The following GREM2 variants were observed in gnomAD, a reference collection of about 807,000 sequenced individuals.
GREM2 encodes gremlin 2, DAN family BMP antagonist, also known as gremlin-2.
Under a neutral mutation model 14.2 loss-of-function variants are expected in GREM2, and 11 were observed. That is an observed-to-expected ratio of 0.78 (90% CI 0.49 to 1.28). The LOEUF is 1.28. GREM2 is among the 50% of genes most tolerant of loss of function. GREM2 has a pLI of 0.00. For missense variants in GREM2, 210 were observed against 218.5 expected (o/e 0.96, Z 0.24); for synonymous variants, 98 against 97.6 (o/e 1.00, Z -0.02).
chr1:240,582,184 TC>T (rs1679497494), intron 1 of GREM2, among the ~76,000 whole-genome samples: 1 of 152,214 alleles, frequency 6.6e-6, no homozygotes. Context: ...ATGCCTGTAA[TC>T]CCAGCACTTT....
chr1:240,509,250 G>A (rs755747811), intron 1 of GREM2, among the ~76,000 whole-genome samples: 14 of 152,054 alleles, frequency 9.2e-5, no homozygotes, highest in Non-Finnish European at 1.5e-4. Flanking sequence ...CCCCTGCACC[G>A]GGCCCAGTGG....
chr1:240,505,359 A>G lies in GREM2; in HGVS notation c.-1-11883T>C, dbSNP rs137961313. Among the ~76,000 whole-genome samples the G allele has an allele frequency of 3.4e-3, 520 of 152,290 alleles. 5 individuals carry two copies. Among genetic ancestry groups the G allele is most frequent in the African/African-American group, 0.012 (484 of 41,562 alleles). On this transcript the variant is annotated intron_variant, in intron 1 of 1. Coordinates refer to ENST00000318160, the MANE Select transcript of GREM2 (RefSeq NM_022469.4). ...TGTATTGCATATATGATTATACTAT[A>G]TAATCATACACACGCACAGTAGGGA...
intron 1 of GREM2, among the ~76,000 whole-genome samples, chr1:240,522,456 G>A (rs2103304932): frequency 6.6e-6 from 1 of 152,114 alleles, no homozygotes; most frequent in South Asian, 2.1e-4. Context: ...AACATCTAGT[G>A]GTAAAATGGA....
intron 1 of GREM2, among the ~76,000 whole-genome samples, chr1:240,509,568 A>G (rs1677757984): frequency 6.6e-6 from 1 of 151,814 alleles, no homozygotes; most frequent in South Asian, 2.1e-4. Flanking sequence ...GGGTTTCTCC[A>G]TGTTGGTCAG....
intron 1 of GREM2, among the ~76,000 whole-genome samples, chr1:240,562,933 TGTGA>T (rs1484261400): frequency 6.2e-5 from 9 of 144,352 alleles, no homozygotes; most frequent in Admixed American, 2.7e-4. Flanking sequence ...TGTGTATGTG[TGTGA>T]GTGTGTGAGT....
At chr1:240,537,160 A>T (rs961782186) in intron 1 of GREM2, among the ~76,000 whole-genome samples, 8 of 152,206 alleles carry the variant, frequency 5.3e-5, no homozygotes, top group Admixed American at 1.3e-4. Flanking sequence ...TTAAACTTGA[A>T]ATGGAAGCTA....
At chr1:240,567,883 CAG>C (rs1252683216) in intron 1 of GREM2, among the ~76,000 whole-genome samples, 1 of 152,108 alleles carries the variant, frequency 6.6e-6, no homozygotes, top group East Asian at 1.9e-4. Context: ...TTGAGGCAGG[CAG>C]ATCACTTGAG....
chr1:240,567,127 T>C (rs974310745), intron 1 of GREM2, among the ~76,000 whole-genome samples: 4 of 152,262 alleles, frequency 2.6e-5, no homozygotes, highest in East Asian at 3.9e-4. Context: ...GTTGAAGACA[T>C]AGCAACAGAA....
At chr1:240,524,176 C>T (rs1018016867) in intron 1 of GREM2, among the ~76,000 whole-genome samples, 13 of 152,148 alleles carry the variant, frequency 8.5e-5, no homozygotes, top group African/African-American at 3.1e-4. Flanking sequence ...GCCACCTCGC[C>T]CAGCTAATTT....
At chr1:240,579,139 A>G (rs1679432531) in intron 1 of GREM2, among the ~76,000 whole-genome samples, 2 of 152,204 alleles carry the variant, frequency 1.3e-5, no homozygotes, top group Non-Finnish European at 1.5e-5. Flanking sequence ...TCTACATGGC[A>G]GTTACATTCC....
At chr1:240,505,050 C>T (rs1677649013) in intron 1 of GREM2, among the ~76,000 whole-genome samples, 1 of 152,030 alleles carries the variant, frequency 6.6e-6, no homozygotes, top group African/African-American at 2.4e-5. Context: ...AACACCATTC[C>T]CCTAGTGCTG....
chr1:240,605,020 C>T (rs959066056), intron 1 of GREM2, among the ~76,000 whole-genome samples: 2 of 152,184 alleles, frequency 1.3e-5, no homozygotes, highest in African/African-American at 4.8e-5. Flanking sequence ...CTTCCTCCTT[C>T]CTTTGTTCTC....
intron 1 of GREM2, among the ~76,000 whole-genome samples, chr1:240,494,039 A>G (rs931700156): frequency 2.0e-5 from 3 of 152,292 alleles, no homozygotes; most frequent in Non-Finnish European, 2.9e-5. Flanking sequence ...CGTGTTGAAC[A>G]GTTACAGAAG....
In GREM2 at chr1:240,493,471, A is replaced by G; in HGVS notation, c.5T>C (p.Phe2Ser). ...GAACAAGGACAGGGAAAGCTTCCAGAACATCCTGCAAACGAGAAAAGAGAG... is the reference window on the plus strand; with the variant it reads ...GAACAAGGACAGGGAAAGCTTCCAGGACATCCTGCAAACGAGAAAAGAGAG... Reference protein sequence around the residue: MFWKLSLSLFLV... With the variant: MSWKLSLSLFLV... The change falls in exon 2 of 2, where the codon TTC becomes TCC. Residue 2 changes from phenylalanine to serine, a missense_variant. By Grantham distance (155) the Phe-to-Ser change is radical. Coordinates refer to ENST00000318160, the MANE Select transcript of GREM2 (RefSeq NM_022469.4). 3.7e-6 allele frequency: 6 copies of G among 1,601,960 alleles called. No homozygotes were observed. The highest frequency in any genetic ancestry group is 5.1e-6 in the Non-Finnish European group (6 of 1,173,508).
chr1:240,589,608 A>G (rs1262204599), intron 1 of GREM2, among the ~76,000 whole-genome samples: 1 of 152,114 alleles, frequency 6.6e-6, no homozygotes, highest in Non-Finnish European at 1.5e-5. Context: ...CTATGAGAAC[A>G]ATGGGATCTC....
intron 1 of GREM2, among the ~76,000 whole-genome samples, chr1:240,592,464 A>G (rs1338304548): frequency 1.3e-5 from 2 of 152,170 alleles, no homozygotes; most frequent in African/African-American, 4.8e-5. Context: ...TATCTTCAGA[A>G]TTCACTTAGA....
rs530512874 is a variant in GREM2 at position 240,578,417 on chromosome 1, C to T, written c.-2+33467G>A. 5.9e-5 allele frequency among the ~76,000 whole-genome samples: 9 copies of T among 152,114 alleles called. No homozygotes were observed. The South Asian group carries it at 6.2e-4, about 11-fold the overall frequency. ...CTGGGATTACAGGTGTGAGCCACTG[C>T]GCCAAGCCACAGCTTACTCTTTTTT... On this transcript the variant is annotated intron_variant, in intron 1 of 1. Transcript: ENST00000318160.
intron 1 of GREM2, among the ~76,000 whole-genome samples, chr1:240,570,875 G>A (rs1340186663): frequency 6.6e-6 from 1 of 152,144 alleles, no homozygotes; most frequent in Non-Finnish European, 1.5e-5. Flanking sequence ...TCACTGTACT[G>A]AGCTTAGTGC....
At chr1:240,493,981 G>A (rs967339732) in intron 1 of GREM2, among the ~76,000 whole-genome samples, 5 of 152,260 alleles carry the variant, frequency 3.3e-5, no homozygotes, top group Non-Finnish European at 7.3e-5. Context: ...GCAAGGAGGC[G>A]GACAAAATGG....
Sources: allele counts gnomAD v4.1 joint callset (sites outside exome capture counted in the v4.1 genomes callset), GRCh38; gene constraint gnomAD v4.1.1; transcripts MANE v1.5; gene names NCBI Gene and HGNC (gene_info 2026-07-23, HGNC 2026-07-21).